The following P2RY8 variants were observed in gnomAD, a reference collection of about 807,000 sequenced individuals.
P2RY8 encodes the protein S-geranylgeranyl-glutathione receptor P2RY8.
A neutral mutation model predicts 10.0 loss-of-function variants in P2RY8; 6 were observed. The ratio of observed to expected loss-of-function variants is 0.60; its 90% CI spans 0.33 to 1.19. The LOEUF is 1.19. P2RY8 is among the 50% of genes most tolerant of loss of function. The probability of loss-of-function intolerance (pLI) is 0.04; values close to 1 mark genes in which losing one functional copy is unlikely to be tolerated. For synonymous variants in P2RY8, 276 were observed against 252.5 expected, an observed-to-expected ratio of 1.09 and a Z score of -0.88; for missense variants, 456 against 542.0, an observed-to-expected ratio of 0.84 and a Z score of 1.58.
chrX:1,464,028 A>G lies in P2RY8; in HGVS notation c.*1451T>C. 1 of 233,324 alleles carries G rather than the reference A, an allele frequency of 4.3e-6. No individual in the cohort carries two copies. Among genetic ancestry groups the G allele is most frequent in the East Asian group, 6.0e-5 (1 of 16,600 alleles). The allele number at this position is 233,324 out of a possible 1,614,324, so 14.5% of individuals were successfully genotyped here. On this transcript the variant is annotated 3_prime_UTR_variant, in exon 2 of 2. Coordinates refer to ENST00000381297, the MANE Select transcript of P2RY8 (RefSeq NM_178129.5). ...GTTTTCCTGCCATAGTGATGACGGC[A>G]GGAGAGAGGCACCAATAGAGGGCCT... is the stretch of plus-strand genomic sequence containing the variant.
intron 1 of P2RY8, among the ~76,000 whole-genome samples, chrX:1,514,702 T>TC (rs1466200250): frequency 0.1 from 68 of 668 alleles, 11 homozygotes; most frequent in South Asian, 0.25. Context: ...TTCCTTCCCT[T>TC]CCTTCCCTTC....
At chrX:1,530,647 CATCT>C (rs749270720) in intron 1 of P2RY8, among the ~76,000 whole-genome samples, 18 of 150,900 alleles carry the variant, frequency 1.2e-4, no homozygotes, top group East Asian at 8.1e-4. Flanking sequence ...ATCTATCTCT[CATCT>C]ATCTATGTAT....
At chrX:1,484,354 G>A (rs1295544960) in intron 1 of P2RY8, among the ~76,000 whole-genome samples, 2 of 152,094 alleles carry the variant, frequency 1.3e-5, no homozygotes, top group African/African-American at 4.8e-5. Flanking sequence ...ACCTAAGGGA[G>A]GTTCTCAGGC....
intron 1 of P2RY8, among the ~76,000 whole-genome samples, chrX:1,528,061 C>A (rs1418899697): frequency 6.6e-6 from 1 of 152,142 alleles, no homozygotes; most frequent in Non-Finnish European, 1.5e-5. Flanking sequence ...CTCCTCCACC[C>A]CAAGAACAGA....
At chrX:1,497,641 A>G (rs2092130734) in intron 1 of P2RY8, among the ~76,000 whole-genome samples, 1 of 151,594 alleles carries the variant, frequency 6.6e-6, no homozygotes, top group African/African-American at 2.4e-5. Flanking sequence ...CTGGGTGACG[A>G]GTAAACTCTG....
chrX:1,530,769 C>G (rs1216567601), intron 1 of P2RY8, among the ~76,000 whole-genome samples: 4 of 144,986 alleles, frequency 2.8e-5, no homozygotes, highest in African/African-American at 7.7e-5. Flanking sequence ...ATATATCTAT[C>G]TAATTTACGT....
chrX:1,489,506 T>C (rs1393387500), intron 1 of P2RY8, among the ~76,000 whole-genome samples: 2 of 146,444 alleles, frequency 1.4e-5, no homozygotes, highest in African/African-American at 5.1e-5. Flanking sequence ...TAAGGATTCC[T>C]CACAAATGTG....
rs1182928107 is a variant in P2RY8 at position 1,462,753 on chromosome X, G to A, written c.*2726C>T. On this transcript the variant is annotated 3_prime_UTR_variant, in exon 2 of 2. Transcript: ENST00000381297. The stretch of plus-strand genomic sequence containing the variant: ...CATGAGCTGCCACGCCTTGATGGAG[G>A]CTGAGACTTTTTGGAATCCCTCCCT... 1.3e-5 allele frequency: 3 copies of A among 232,998 alleles called. No homozygotes were observed. Among genetic ancestry groups the A allele is most frequent in the African/African-American group, 2.2e-5 (1 of 45,300 alleles). 14.4% of individuals were successfully genotyped at this position (232,998 alleles called of 1,614,324 possible). A position where few individuals can be genotyped will look rare whatever the true frequency, so the allele number is the denominator to read the frequency against.
At chrX:1,480,905 GAA>G (rs200171198) in intron 1 of P2RY8, among the ~76,000 whole-genome samples, 3 of 148,042 alleles carry the variant, frequency 2.0e-5, no homozygotes, top group African/African-American at 4.9e-5. Flanking sequence ...TCAACCACTG[GAA>G]AAAAAAAAAA....
intron 1 of P2RY8, among the ~76,000 whole-genome samples, chrX:1,500,424 T>C (rs2092166183): frequency 6.6e-6 from 1 of 151,796 alleles, no homozygotes; most frequent in Non-Finnish European, 1.5e-5. Flanking sequence ...ACTACAGGCG[T>C]GCACCACCAT....
At chrX:1,531,769 G>C (rs2092477337) in intron 1 of P2RY8, among the ~76,000 whole-genome samples, 1 of 152,138 alleles carries the variant, frequency 6.6e-6, no homozygotes, top group Non-Finnish European at 1.5e-5. Flanking sequence ...CATCAACGCA[G>C]TCCTCAAGGT....
At chrX:1,477,112 C>G (rs2091883139) in intron 1 of P2RY8, among the ~76,000 whole-genome samples, 1 of 151,924 alleles carries the variant, frequency 6.6e-6, no homozygotes, top group Non-Finnish European at 1.5e-5. Flanking sequence ...GCACTTGGAC[C>G]TGGGAGGCGG....
chrX:1,494,513 C>T (rs1289937140), intron 1 of P2RY8, among the ~76,000 whole-genome samples: 2 of 151,174 alleles, frequency 1.3e-5, no homozygotes, highest in East Asian at 1.9e-4. Context: ...TCTCCTAATG[C>T]GGTATTTTTC....
chrX:1,503,576 C>A (rs1285445637), intron 1 of P2RY8, among the ~76,000 whole-genome samples: 2 of 151,112 alleles, frequency 1.3e-5, no homozygotes, highest in African/African-American at 4.9e-5. Flanking sequence ...GCCTGGCCAA[C>A]GTGGTAAACC....
At chrX:1,518,358 G>A (rs1319882923) in intron 1 of P2RY8, among the ~76,000 whole-genome samples, 4 of 150,374 alleles carry the variant, frequency 2.7e-5, no homozygotes, top group Admixed American at 6.6e-5. Context: ...CCCAGGAGGC[G>A]GAGCTTGCAG....
intron 1 of P2RY8, among the ~76,000 whole-genome samples, chrX:1,506,583 C>G (rs1374733285): frequency 1.3e-5 from 2 of 152,014 alleles, no homozygotes; most frequent in African/African-American, 4.8e-5. Flanking sequence ...GTATCTACCA[C>G]GTTGACCAGA....
At position 1,488,124 on chromosome X, in the gene P2RY8, A is replaced by G. The variant is rs1324123660; in HGVS notation, c.-24-21542T>C. ...AAACTCTGTCTAAAAAAAAAAAAGA[A>G]GAAGAAGAGAAGTGGGTCTCAACAG... On this transcript the variant is annotated intron_variant, in intron 1 of 1. Transcript: ENST00000381297. Among the ~76,000 whole-genome samples, 53 of 150,568 alleles carry G rather than the reference A, an allele frequency of 3.5e-4. No homozygotes were observed. In the East Asian group the frequency reaches 9.7e-3, roughly 27 times the overall value.
At chrX:1,526,832 C>T (rs1305160333) in intron 1 of P2RY8, among the ~76,000 whole-genome samples, 4 of 152,208 alleles carry the variant, frequency 2.6e-5, no homozygotes, top group Non-Finnish European at 4.4e-5. Context: ...CATTTACCCA[C>T]GCATTCATTC....
At position 1,507,491 on chromosome X, in the gene P2RY8, C is replaced by T. The variant is rs182303392; in HGVS notation, c.-25+29430G>A. On this transcript the variant is annotated intron_variant, in intron 1 of 1. Coordinates refer to ENST00000381297, the MANE Select transcript of P2RY8 (RefSeq NM_178129.5). ...ATCATCACTGAGCCAGAAAAGCTGT[C>T]GCTCATATCCCCGGTGACCGCCGAC... Among the ~76,000 whole-genome samples, 46 of 152,260 alleles carry T rather than the reference C, an allele frequency of 3.0e-4. No homozygotes were observed. The East Asian group carries it at 8.5e-3, about 28-fold the overall frequency.
Sources: gnomAD v4.1 joint callset for allele counts (sites outside exome capture counted in the v4.1 genomes callset) on GRCh38, gnomAD v4.1.1 for gene constraint, MANE v1.5 for transcripts, NCBI Gene and HGNC (gene_info 2026-07-23, HGNC 2026-07-21) for gene names.